Variants in FBXO31 observed in about 807,000 individuals in gnomAD.
The protein encoded by FBXO31 is F-box protein 31.
In FBXO31, 24 loss-of-function variants were observed where a neutral mutation model predicts 54.4. The ratio of observed to expected loss-of-function variants is 0.44; its 90% confidence interval spans 0.32 to 0.62. The LOEUF (loss-of-function observed/expected upper bound fraction) is 0.62, where lower values mean the gene tolerates loss of function less well. Ranked by LOEUF, FBXO31 falls within the 20% of genes least tolerant of loss-of-function variation. The pLI, the probability that FBXO31 is intolerant of heterozygous loss-of-function variation, is 0.05. For missense variants in FBXO31, 665 were observed against 787.1 expected (o/e 0.84, Z 1.86); for synonymous variants, 388 against 335.6 (o/e 1.16, Z -1.71).
chr16:87,344,417 G>T (rs1905294526), intron 3 of FBXO31, among the ~76,000 whole-genome samples: 1 of 152,202 alleles, frequency 6.6e-6, no homozygotes, highest in Non-Finnish European at 1.5e-5. Context: ...GAGGCGGGTG[G>T]GCCCCAGCAC....
In FBXO31 at chr16:87,332,705, T is replaced by C. The variant is rs1326383850; in HGVS notation, c.1397+1181A>G. Among the ~76,000 whole-genome samples the C allele has an allele frequency of 5.2e-5, 5 of 96,394 alleles. No homozygotes were observed. In the South Asian group the frequency reaches 1.5e-3, roughly 28 times the overall value. The allele number at this position is 96,394 out of a possible 152,430, so 63.2% of individuals were successfully genotyped here. On this transcript the variant is annotated intron_variant, in intron 8 of 8. Transcript: ENST00000311635. ...CCAAACCCCCTCCGGGAGCTGGGCC[T>C]GTGGCACCCTTCCCCCCACCCAGAC...
At chr16:87,344,341 G>C (rs1049509945) in intron 3 of FBXO31, among the ~76,000 whole-genome samples, 1 of 152,260 alleles carries the variant, frequency 6.6e-6, no homozygotes, top group African/African-American at 2.4e-5. Flanking sequence ...GCTCAGGAGC[G>C]GGAAGAGCCG....
Position 87,330,236 on chromosome 16 carries a change from T to G in FBXO31, c.*1052A>C, listed in dbSNP as rs899217430. 2 of 152,280 alleles carry G rather than the reference T, an allele frequency of 1.3e-5. No homozygotes were observed. The highest frequency in any genetic ancestry group is 2.9e-5 in the Non-Finnish European group (2 of 68,080). The allele number at this position is 152,280 out of a possible 1,614,324, so 9.4% of individuals were successfully genotyped here. A position where few individuals can be genotyped will look rare whatever the true frequency, so the allele number is the denominator to read the frequency against. On this transcript the variant is annotated 3_prime_UTR_variant, in exon 9 of 9. Coordinates refer to ENST00000311635, the MANE Select transcript of FBXO31 (RefSeq NM_024735.5). Reference sequence around the variant, plus strand: ...GGGCACACAGCAGTGGAGGCATCAGTCCATGGGGTCTCCAGGCTGGAGGGT... The same window carrying G: ...GGGCACACAGCAGTGGAGGCATCAGGCCATGGGGTCTCCAGGCTGGAGGGT...
intron 5 of FBXO31, among the ~76,000 whole-genome samples, chr16:87,342,143 G>T (rs906605247): frequency 6.6e-6 from 1 of 152,128 alleles, no homozygotes; most frequent in African/African-American, 2.4e-5. Flanking sequence ...ATAGCTCACT[G>T]CAGTCTCCAC....
chr16:87,359,420 T>C (rs921674111), intron 2 of FBXO31, among the ~76,000 whole-genome samples: 2 of 152,148 alleles, frequency 1.3e-5, no homozygotes, highest in African/African-American at 4.8e-5. Context: ...CCTATGGCTG[T>C]TACAGGAAAC....
upstream of FBXO31, among the ~76,000 whole-genome samples, chr16:87,391,204 G>A (rs1356062044): frequency 6.6e-6 from 1 of 152,140 alleles, no homozygotes; most frequent in Non-Finnish European, 1.5e-5. Context: ...CTTCTCGGGA[G>A]GCTGAGGCAG....
At chr16:87,373,201 C>T (rs1457116628) in intron 1 of FBXO31, among the ~76,000 whole-genome samples, 1 of 151,880 alleles carries the variant, frequency 6.6e-6, no homozygotes, top group Admixed American at 6.6e-5. Flanking sequence ...CCTGTAATCC[C>T]AGCACTTTGG....
rs566453183 is a variant in FBXO31 at position 87,345,114 on chromosome 16, G to A, written c.490-1349C>T. On this transcript the variant is annotated intron_variant, in intron 3 of 8. Transcript: ENST00000311635. The surrounding 1 kb of genome is among the most constrained non-coding windows in gnomAD (Gnocchi z 4.9). ...CTGGAAGAACCTGTGCAGAGGCCAC[G>A]GGGAGACAGACACACCCGCCCTCGC... 3.3e-5 allele frequency among the ~76,000 whole-genome samples: 5 copies of A among 152,302 alleles called. No individual in the cohort carries two copies. The highest frequency in any genetic ancestry group is 1.2e-4 in the African/African-American group (5 of 41,558).
Position 87,345,172 on chromosome 16 carries a change from G to A in FBXO31, c.490-1407C>T, listed in dbSNP as rs1291132613. 1.3e-5 allele frequency among the ~76,000 whole-genome samples: 2 copies of A among 152,194 alleles called. No individual in the cohort carries two copies. Among genetic ancestry groups the A allele is most frequent in the Non-Finnish European group, 1.5e-5 (1 of 68,036 alleles). ...AGCCCCTGGTCCCACAAAAGGGAGC[G>A]GAGCACAATCCCAACACCAGCACCG... On this transcript the variant is annotated intron_variant, in intron 3 of 8. Transcript: ENST00000311635. The surrounding 1 kb of genome is among the most constrained non-coding windows in gnomAD (Gnocchi z 4.9).
chr16:87,350,559 T>C (rs1468384302), intron 2 of FBXO31, among the ~76,000 whole-genome samples: 3 of 151,648 alleles, frequency 2.0e-5, no homozygotes, highest in African/African-American at 7.3e-5. Context: ...CATTTAGGAG[T>C]GAAACGTACT....
chr16:87,373,992 C>T (rs1387084106), intron 1 of FBXO31, among the ~76,000 whole-genome samples: 1 of 152,104 alleles, frequency 6.6e-6, no homozygotes, highest in South Asian at 2.1e-4. Flanking sequence ...ACCTGTAATG[C>T]ACTTTGGGAG....
chr16:87,361,103 A>T (rs891362010), intron 1 of FBXO31, among the ~76,000 whole-genome samples: 21 of 152,204 alleles, frequency 1.4e-4, no homozygotes, highest in Non-Finnish European at 2.6e-4. Flanking sequence ...CCAGGGACTA[A>T]TCCACACAAC....
In FBXO31 at chr16:87,336,145, C is replaced by T. The variant is rs369666936; in HGVS notation, c.842+10G>A. ...GGGCTACCCCAGCACCGAGCAGGAG[C>T]CGCACTCACTCGTACTGACTGGTGT... is the stretch of plus-strand genomic sequence containing the variant. On this transcript the variant is annotated intron_variant, in intron 6 of 8. Transcript: ENST00000311635. The surrounding 1 kb of genome is among the most constrained non-coding windows in gnomAD (Gnocchi z 6.5). 8.1e-6 allele frequency: 13 copies of T among 1,609,792 alleles called. No homozygotes were observed. In the African/African-American group the frequency reaches 1.6e-4, roughly 20 times the overall value.
rs1904851775 is a variant in FBXO31 at position 87,331,407 on chromosome 16, G to A, written c.1501C>T (p.Leu501=). The stretch of plus-strand genomic sequence containing the variant: ...TACAGGCTGAAGGATTTCAGCTCCA[G>A]CCAGACGAACCCGAAGCGGTCCTCA... ...FDEDRFGFVW[L]ELKSFSLYSR... is the part of the protein sequence containing the mutation. The change falls in exon 9 of 9, where the codon CTG becomes TTG. Residue 501 remains leucine, a synonymous_variant. Transcript: ENST00000311635. 6.2e-7 allele frequency: 1 copy of A among 1,613,778 alleles called. No individual in the cohort carries two copies. Among genetic ancestry groups the A allele is most frequent in the African/African-American group, 1.3e-5 (1 of 74,934 alleles).
chr16:87,391,163 C>G (rs978973985), upstream of FBXO31, among the ~76,000 whole-genome samples: 1 of 152,110 alleles, frequency 6.6e-6, no homozygotes, highest in African/African-American at 2.4e-5. Context: ...CCAGCCCGGG[C>G]AACACAGCGA....
chr16:87,340,270 G>C (rs186776298), intron 5 of FBXO31, among the ~76,000 whole-genome samples: 3 of 152,240 alleles, frequency 2.0e-5, no homozygotes, highest in Non-Finnish European at 2.9e-5. Context: ...GTGGGGGACA[G>C]GGCGAGACTA....
intron 1 of FBXO31, among the ~76,000 whole-genome samples, chr16:87,376,362 C>A (rs1395321941): frequency 2.0e-5 from 3 of 152,024 alleles, no homozygotes; most frequent in African/African-American, 2.4e-5. Context: ...TAACCTCTGC[C>A]TCCAAGGTTC....
chr16:87,367,038 A>C (rs1328425459), intron 1 of FBXO31: 2 of 152,286 alleles, frequency 1.3e-5, no homozygotes, highest in African/African-American at 4.8e-5. Context: ...AAAATTAGCC[A>C]GGCACAGTGG....
chr16:87,383,821 C>T (rs1405817468), upstream of FBXO31: 1 of 1,049,226 alleles, frequency 9.5e-7, no homozygotes. This position sits in a 1 kb window ranked among gnomAD's most constrained non-coding sequence, Gnocchi z 4.9. Context: ...CCGAGCCACG[C>T]CCCCGCCGCA....
Sources: allele counts gnomAD v4.1 joint callset (sites outside exome capture counted in the v4.1 genomes callset), GRCh38; gene constraint gnomAD v4.1.1; non-coding constraint Gnocchi (gnomAD v3.1); transcripts MANE v1.5; gene names NCBI Gene and HGNC (gene_info 2026-07-23, HGNC 2026-07-21).